Variants in RORA observed in about 807,000 individuals in gnomAD.
RORA encodes nuclear receptor ROR-alpha.
RORA carries 7 observed loss-of-function variants against 69.5 expected under a neutral mutation model. The ratio of observed to expected loss-of-function variants is 0.10; its 90% CI spans 0.06 to 0.19. The LOEUF (loss-of-function observed/expected upper bound fraction) is 0.19. RORA is among the 10% of genes least tolerant of loss of function. The probability of loss-of-function intolerance (pLI) is 1.00; values close to 1 mark genes in which losing one functional copy is unlikely to be tolerated. For synonymous variants in RORA, 261 were observed against 240.8 expected, an observed-to-expected ratio of 1.08 and a Z score of -0.78; for missense variants, 457 against 663.0, an observed-to-expected ratio of 0.69 and a Z score of 3.41.
rs1045824008 is a variant in RORA, at chr15:60,494,285, A to T, written c.*3170T>A. 2 of 152,166 alleles carry T rather than the reference A, an allele frequency of 1.3e-5. No homozygotes were observed. Among genetic ancestry groups the T allele is most frequent in the African/African-American group, 4.8e-5 (2 of 41,436 alleles). The allele number at this position is 152,166 out of a possible 1,614,324, so 9.4% of individuals were successfully genotyped here. On this transcript the variant is annotated 3_prime_UTR_variant, in exon 11 of 11. Transcript: ENST00000335670. ...ACCAAGGCCAGGTTTTTCACAATAT[A>T]ATAACCATTTGGACACCATTGGAAC...
At chr15:60,527,584 T>C (rs1407285801) in intron 3 of RORA, among the ~76,000 whole-genome samples, 3 of 152,212 alleles carry the variant, frequency 2.0e-5, no homozygotes, top group Non-Finnish European at 4.4e-5. Context: ...AGCTCAGAAA[T>C]GTCTGTATGA....
intron 2 of RORA, among the ~76,000 whole-genome samples, chr15:60,586,938 C>T (rs2068352401): frequency 6.6e-6 from 1 of 152,160 alleles, no homozygotes; most frequent in South Asian, 2.1e-4. Context: ...CAAACGATTT[C>T]TCAAGAATAG....
intron 1 of RORA, among the ~76,000 whole-genome samples, chr15:60,889,319 C>T (rs1423465702): frequency 3.0e-5 from 4 of 133,376 alleles, no homozygotes; most frequent in African/African-American, 1.1e-4. Flanking sequence ...GAAACTGGTG[C>T]TTAGAGAGAA....
At chr15:60,816,840 GT>G (rs1209595227) in intron 1 of RORA, among the ~76,000 whole-genome samples, 1 of 151,990 alleles carries the variant, frequency 6.6e-6, no homozygotes, top group Non-Finnish European at 1.5e-5. Flanking sequence ...TAATTGTTAT[GT>G]TTTTCTAATG....
intron 1 of RORA, among the ~76,000 whole-genome samples, chr15:61,193,228 CT>C (rs1447963810): frequency 6.6e-6 from 1 of 152,186 alleles, no homozygotes; most frequent in Admixed American, 6.5e-5. Context: ...CTTAGCCTAT[CT>C]AAATTCTATA....
chr15:60,945,539 T>A (rs1165919816), intron 1 of RORA, among the ~76,000 whole-genome samples: 1 of 152,168 alleles, frequency 6.6e-6, no homozygotes, highest in East Asian at 1.9e-4. Flanking sequence ...AAAATACTTT[T>A]CACCATTAGG....
At chr15:61,129,153 T>G (rs1334458319) in intron 1 of RORA, among the ~76,000 whole-genome samples, 1 of 152,250 alleles carries the variant, frequency 6.6e-6, no homozygotes, top group Non-Finnish European at 1.5e-5. Flanking sequence ...TTTGATCTCC[T>G]ATTTCTAGAT....
chr15:61,007,079 A>G (rs1234123328), intron 1 of RORA, among the ~76,000 whole-genome samples: 1 of 152,074 alleles, frequency 6.6e-6, no homozygotes, highest in Non-Finnish European at 1.5e-5. Context: ...GCAGAAAGAC[A>G]TAATTTTCAC....
At chr15:60,949,020 G>C (rs1457867883) in intron 1 of RORA, among the ~76,000 whole-genome samples, 1 of 152,190 alleles carries the variant, frequency 6.6e-6, no homozygotes, top group East Asian at 1.9e-4. Context: ...CGGTGGACAA[G>C]ATGAAGAAAT....
At chr15:61,139,693 C>T (rs953996733) in intron 1 of RORA, among the ~76,000 whole-genome samples, 1 of 152,196 alleles carries the variant, frequency 6.6e-6, no homozygotes, top group South Asian at 2.1e-4. Flanking sequence ...CCTTGCTCAC[C>T]AACCTCTTAA....
At chr15:60,658,728 A>G (rs1027406254) in intron 2 of RORA, among the ~76,000 whole-genome samples, 2 of 152,264 alleles carry the variant, frequency 1.3e-5, no homozygotes, top group African/African-American at 4.8e-5. Flanking sequence ...AAAGAAGATA[A>G]CATGTTACAG....
At chr15:60,780,823 A>C (rs1261780047) in intron 1 of RORA, among the ~76,000 whole-genome samples, 1 of 152,234 alleles carries the variant, frequency 6.6e-6, no homozygotes, top group Non-Finnish European at 1.5e-5. Context: ...CGGTCCCTAC[A>C]TGCTAGTGTC....
intron 2 of RORA, among the ~76,000 whole-genome samples, chr15:60,669,723 C>T (rs988734542): frequency 6.6e-6 from 1 of 152,182 alleles, no homozygotes; most frequent in African/African-American, 2.4e-5. Flanking sequence ...ACACATGTTC[C>T]CAACTCATAC....
chr15:60,973,330 G>A lies in RORA; in HGVS notation c.166+255723C>T, dbSNP rs113869202. Among the ~76,000 whole-genome samples the A allele has an allele frequency of 7.7e-3, 1,176 of 152,260 alleles. 18 individuals carry two copies. Among genetic ancestry groups the A allele is most frequent in the African/African-American group, 0.027 (1,122 of 41,546 alleles). Reference sequence around the variant, plus strand: ...TCCTGCCCAAGGTGGCCCAGCTCCTGGGTGGATGAGCAGTATTTAAGCACT... The same window carrying A: ...TCCTGCCCAAGGTGGCCCAGCTCCTAGGTGGATGAGCAGTATTTAAGCACT... On this transcript the variant is annotated intron_variant, in intron 1 of 10. Coordinates refer to ENST00000335670, the MANE Select transcript of RORA (RefSeq NM_134261.3).
intron 2 of RORA, chr15:60,615,015 A>G: frequency 6.2e-7 from 1 of 1,613,078 alleles, no homozygotes; most frequent in Non-Finnish European, 8.5e-7. Context: ...TCAGGGAGCT[A>G]CAGGTTGAAG....
At chr15:61,004,497 C>G (rs1467569961) in intron 1 of RORA, among the ~76,000 whole-genome samples, 4 of 151,782 alleles carry the variant, frequency 2.6e-5, no homozygotes, top group Admixed American at 2.6e-4. Flanking sequence ...GCTGTCTGGT[C>G]CAGGTCCCCG....
intron 1 of RORA, among the ~76,000 whole-genome samples, chr15:61,048,389 G>A (rs925110139): frequency 5.9e-5 from 9 of 152,166 alleles, no homozygotes; most frequent in East Asian, 5.8e-4. Flanking sequence ...AGGCATTAGC[G>A]GCTCAGCAAG....
intron 2 of RORA, among the ~76,000 whole-genome samples, chr15:60,587,516 C>T (rs570022206): frequency 1.3e-5 from 2 of 152,248 alleles, no homozygotes; most frequent in African/African-American, 2.4e-5. Flanking sequence ...TAGGCTATAA[C>T]GCAACCTCTG....
intron 2 of RORA, among the ~76,000 whole-genome samples, chr15:60,590,320 G>A (rs2068462723): frequency 6.6e-6 from 1 of 152,170 alleles, no homozygotes; most frequent in Non-Finnish European, 1.5e-5. Context: ...AAGTGTGGGG[G>A]TAGCGTGTGT....
Sources: gnomAD v4.1 joint callset for allele counts (sites outside exome capture counted in the v4.1 genomes callset) on GRCh38, gnomAD v4.1.1 for gene constraint, MANE v1.5 for transcripts, NCBI Gene and HGNC (gene_info 2026-07-23, HGNC 2026-07-21) for gene names.